Variants in ME2 observed in about 807,000 individuals in gnomAD.
The protein encoded by ME2 is NAD-dependent malic enzyme, mitochondrial.
A neutral mutation model predicts 73.7 loss-of-function variants in ME2; 60 were observed. That is an observed-to-expected ratio of 0.81 (90% CI 0.66 to 1.01). The LOEUF (loss-of-function observed/expected upper bound fraction) is 1.01, where lower values mean the gene tolerates loss of function less well. ME2 is among the 50% of genes least tolerant of loss of function. The pLI, the probability that ME2 is intolerant of heterozygous loss-of-function variation, is 0.00. For synonymous variants in ME2, 199 were observed against 236.9 expected (o/e 0.84, Z 1.47); for missense variants, 594 against 705.5 (o/e 0.84, Z 1.79).
chr18:50,927,845 C>T (rs1300624327), intron 12 of ME2, among the ~76,000 whole-genome samples: 7 of 127,408 alleles, frequency 5.5e-5, no homozygotes, highest in Admixed American at 5.2e-4. Context: ...GACAGGGTCT[C>T]TCTTGGTTGC....
At position 50,950,481 on chromosome 18, in the gene ME2, T is replaced by C. The variant is rs1268652196; in HGVS notation, c.*3297T>C. Reference sequence around the variant, plus strand: ...CTCAGATTCTGCTTTTTTTTTTTTTTTTTTTTTTTTTTTTAAACAGGGTCT... The same window carrying C: ...CTCAGATTCTGCTTTTTTTTTTTTTCTTTTTTTTTTTTTTAAACAGGGTCT... On this transcript the variant is annotated 3_prime_UTR_variant, in exon 16 of 16. Transcript: ENST00000321341. 7.1e-6 allele frequency: 1 copy of C among 141,270 alleles called. No individual in the cohort carries two copies. The highest frequency in any genetic ancestry group is 2.6e-5 in the African/African-American group (1 of 37,952). 8.8% of individuals were successfully genotyped at this position (141,270 alleles called of 1,614,324 possible).
At chr18:50,911,011 G>T (rs1276750054) in intron 3 of ME2, among the ~76,000 whole-genome samples, 2 of 152,200 alleles carry the variant, frequency 1.3e-5, no homozygotes, top group African/African-American at 4.8e-5. Context: ...TCCAAGAGTG[G>T]ATAAGGGCAT....
intron 2 of ME2, among the ~76,000 whole-genome samples, chr18:50,898,377 C>T (rs953929109): frequency 1.3e-5 from 2 of 152,200 alleles, no homozygotes; most frequent in Admixed American, 6.5e-5. Flanking sequence ...ACCATCACCA[C>T]TATCTAGTTC....
rs1230218251 is a variant in ME2, at chr18:50,947,246, GATAATGTCTTC to G, written c.*64_*74del. On this transcript the variant is annotated 3_prime_UTR_variant, in exon 16 of 16. Transcript: ENST00000321341. ...GAACCCCTTTTTTCAGACAAGAAGA[GATAATGTCTTC>G]AGTTTTATGGTGTTTTCTGTGTTTT... The G allele has an allele frequency of 2.7e-6, 4 of 1,496,858 alleles. No homozygotes were observed. Among genetic ancestry groups the G allele is most frequent in the Admixed American group, 4.0e-5 (2 of 50,118 alleles). The allele number at this position is 1,496,858 out of a possible 1,614,324, so 92.7% of individuals were successfully genotyped here. A position where few individuals can be genotyped will look rare whatever the true frequency, so the allele number is the denominator to read the frequency against.
At chr18:50,934,200 T>C (rs1418493338) in intron 13 of ME2, 1 of 152,196 alleles carries the variant, frequency 6.6e-6, no homozygotes, top group Non-Finnish European at 1.5e-5. Context: ...TACCCAATAA[T>C]AGGATTGCTG....
chr18:50,920,900 G>T, intron 9 of ME2, 142 bp downstream of exon 9: 1 of 732,026 alleles, frequency 1.4e-6, no homozygotes, highest in East Asian at 2.8e-5. Flanking sequence ...GAGTTCTGCT[G>T]TAAAACATGT....
At chr18:50,892,608 T>C (rs1211657732) in intron 1 of ME2, among the ~76,000 whole-genome samples, 2 of 152,222 alleles carry the variant, frequency 1.3e-5, no homozygotes, top group East Asian at 1.9e-4. Context: ...TCTTTTATCC[T>C]ATTACATATC....
chr18:50,947,478 A>G lies in ME2; in HGVS notation c.*294A>G, dbSNP rs1265610876. 7.2e-6 allele frequency: 2 copies of G among 277,636 alleles called. No individual in the cohort carries two copies. The highest frequency in any genetic ancestry group is 4.4e-5 in the African/African-American group (2 of 45,758). The allele number at this position is 277,636 out of a possible 1,614,324, so 17.2% of individuals were successfully genotyped here. Reference sequence around the variant, plus strand: ...TTGTGAATGTCTTCACTTGTACTCTAATTCAGACTTGCCAAAGTATTTGCT... The same window carrying G: ...TTGTGAATGTCTTCACTTGTACTCTGATTCAGACTTGCCAAAGTATTTGCT... On this transcript the variant is annotated 3_prime_UTR_variant, in exon 16 of 16. Coordinates refer to ENST00000321341, the MANE Select transcript of ME2 (RefSeq NM_002396.5).
intron 2 of ME2, among the ~76,000 whole-genome samples, chr18:50,898,495 A>G (rs1007695321): frequency 1.3e-5 from 2 of 152,128 alleles, no homozygotes; most frequent in African/African-American, 4.8e-5. Flanking sequence ...CAATGACACT[A>G]TCATGGCTTA....
chr18:50,892,616 A>G (rs1356436639), intron 1 of ME2, among the ~76,000 whole-genome samples: 3 of 152,090 alleles, frequency 2.0e-5, no homozygotes, highest in African/African-American at 7.3e-5. Context: ...CCTATTACAT[A>G]TCTTAACTTA....
chr18:50,904,218 C>T (rs2144210787), intron 2 of ME2, among the ~76,000 whole-genome samples: 1 of 151,306 alleles, frequency 6.6e-6, no homozygotes, highest in South Asian at 2.1e-4. Context: ...CATCCTTTTA[C>T]TTTCCACTTA....
chr18:50,952,094 C>T lies in ME2; in HGVS notation c.*4910C>T, dbSNP rs143944066. The T allele has an allele frequency of 5.1e-4, 78 of 152,224 alleles. No homozygotes were observed. The highest frequency in any genetic ancestry group is 1.8e-3 in the African/African-American group (75 of 41,552). 9.4% of individuals were successfully genotyped at this position (152,224 alleles called of 1,614,324 possible). A position where few individuals can be genotyped will look rare whatever the true frequency, so the allele number is the denominator to read the frequency against. On this transcript the variant is annotated 3_prime_UTR_variant, in exon 16 of 16. Coordinates refer to ENST00000321341, the MANE Select transcript of ME2 (RefSeq NM_002396.5). ...CACACGTGTTCAGGTGCCATGTATT[C>T]ATATAGCTCTCAACTGATTGGTGAT... is the stretch of plus-strand genomic sequence containing the variant.
chr18:50,928,704 G>A (rs1917622166), intron 12 of ME2, among the ~76,000 whole-genome samples: 1 of 152,176 alleles, frequency 6.6e-6, no homozygotes, highest in Admixed American at 6.5e-5. Flanking sequence ...GGTATTTCCA[G>A]TTTGCCCTTT....
chr18:50,919,509 A>G (rs1027056792), intron 7 of ME2, among the ~76,000 whole-genome samples: 2 of 152,050 alleles, frequency 1.3e-5, no homozygotes, highest in South Asian at 2.1e-4. Flanking sequence ...TAGTTACCCC[A>G]TTACCTTCAC....
intron 13 of ME2, chr18:50,933,768 A>C (rs1227544619): frequency 6.6e-6 from 1 of 152,032 alleles, no homozygotes; most frequent in Non-Finnish European, 1.5e-5. Context: ...CACCCGGCTA[A>C]TAAGCATGCT....
At position 50,923,602 on chromosome 18, in the gene ME2, A is replaced by AG. The variant is rs905204459; in HGVS notation, c.1057-496_1057-495insG. On this transcript the variant is annotated intron_variant, in intron 10 of 15. Transcript: ENST00000321341. ...GGCAAAACCCCATCTCTACAAAAAA[A>AG]TCATCCGGGCATGGTGGTGTGTGCC... 3.3e-5 allele frequency among the ~76,000 whole-genome samples: 5 copies of AG among 152,208 alleles called. No individual in the cohort carries two copies. The East Asian group carries it at 9.7e-4, about 29-fold the overall frequency.
intron 1 of ME2, among the ~76,000 whole-genome samples, chr18:50,886,524 G>A (rs551757871): frequency 1.4e-4 from 22 of 152,176 alleles, no homozygotes; most frequent in African/African-American, 4.1e-4. Context: ...GATTACAGGC[G>A]TGAGCCACTG....
chr18:50,917,727 A>G (rs1917318302), intron 6 of ME2, among the ~76,000 whole-genome samples: 1 of 152,010 alleles, frequency 6.6e-6, no homozygotes, highest in South Asian at 2.1e-4. Context: ...ATCCCAGGAC[A>G]TTGGAAGGCC....
intron 1 of ME2, among the ~76,000 whole-genome samples, chr18:50,880,735 C>T (rs528256522): frequency 4.6e-5 from 7 of 152,116 alleles, no homozygotes; most frequent in African/African-American, 1.4e-4. Flanking sequence ...TGACTTTTAT[C>T]ATGCATTAAT....
Sources: gnomAD v4.1 joint callset for allele counts (sites outside exome capture counted in the v4.1 genomes callset) on GRCh38, gnomAD v4.1.1 for gene constraint, MANE v1.5 for transcripts, NCBI Gene and HGNC (gene_info 2026-07-23, HGNC 2026-07-21) for gene names.